CTBP2: variants seen among roughly 807,000 people sequenced by gnomAD.
CTBP2 encodes the protein C-terminal-binding protein 2.
A neutral mutation model predicts 80.3 loss-of-function variants in CTBP2; 30 were observed. That is an observed-to-expected ratio of 0.37 (90% CI 0.28 to 0.51). The LOEUF is 0.51. CTBP2 is among the 20% of genes least tolerant of loss of function. The probability of loss-of-function intolerance (pLI) is 0.93; values close to 1 mark genes in which losing one functional copy is unlikely to be tolerated. For synonymous variants in CTBP2, 594 were observed against 587.4 expected (o/e 1.01, Z -0.16); for missense variants, 1,212 against 1,375.3 (o/e 0.88, Z 1.88).
intron 2 of CTBP2, among the ~76,000 whole-genome samples, chr10:125,054,838 A>G (rs1963544412): frequency 6.6e-6 from 1 of 152,234 alleles, no homozygotes; most frequent in African/African-American, 2.4e-5. Context: ...GACTGACATG[A>G]GGTCTGTGAT....
chr10:125,146,306 C>A (rs868504492), intron 1 of CTBP2, among the ~76,000 whole-genome samples: 121 of 146,268 alleles, frequency 8.3e-4, no homozygotes, highest in African/African-American at 2.8e-3. Context: ...TTGGAGACAG[C>A]GTCTTGCTCT....
intron 1 of CTBP2, among the ~76,000 whole-genome samples, chr10:125,151,804 C>T (rs964882387): frequency 6.6e-6 from 1 of 152,200 alleles, no homozygotes; most frequent in African/African-American, 2.4e-5. Flanking sequence ...CGGAGAGGGG[C>T]CGGCGACCCT....
At chr10:125,050,568 C>A (rs147171299) in intron 2 of CTBP2, among the ~76,000 whole-genome samples, 1 of 152,126 alleles carries the variant, frequency 6.6e-6, no homozygotes, top group Non-Finnish European at 1.5e-5. Context: ...GGGACACTCC[C>A]GTGTCACACA....
Position 125,106,361 on chromosome 10 carries a change from G to A in CTBP2, c.-102+4629C>T, listed in dbSNP as rs1590815209. Among the ~76,000 whole-genome samples, 3 of 152,220 alleles carry A rather than the reference G, an allele frequency of 2.0e-5. No homozygotes were observed. In the South Asian group the frequency reaches 6.2e-4, roughly 32 times the overall value. ...GGACCCTGCAGTGTATGGGAAGCCA[G>A]GCTCACTACCACAGTGTTTCCGGAA... On this transcript the variant is annotated intron_variant, in intron 2 of 10. Transcript: ENST00000337195.
At chr10:125,088,727 T>C (rs953388477) in intron 2 of CTBP2, among the ~76,000 whole-genome samples, 15 of 152,284 alleles carry the variant, frequency 9.9e-5, no homozygotes, top group African/African-American at 1.7e-4. Flanking sequence ...CGCCTAACAA[T>C]TGAGTTTTGT....
intron 1 of CTBP2, among the ~76,000 whole-genome samples, chr10:125,111,473 A>G (rs1374637472): frequency 1.3e-5 from 2 of 152,258 alleles, no homozygotes; most frequent in Non-Finnish European, 2.9e-5. Flanking sequence ...AGAAATATGG[A>G]ATTATAAAGT....
intron 2 of CTBP2, among the ~76,000 whole-genome samples, chr10:125,103,625 G>A (rs73377290): frequency 0.037 from 5,631 of 152,204 alleles, 349 homozygotes; most frequent in African/African-American, 0.13. Flanking sequence ...ACGCTTCTGC[G>A]ACATGCAGAA....
chr10:125,060,521 G>C (rs1197924278), intron 2 of CTBP2, among the ~76,000 whole-genome samples: 1 of 151,304 alleles, frequency 6.6e-6, no homozygotes, highest in African/African-American at 2.4e-5. Flanking sequence ...TGTCTGTTGC[G>C]GCTTACCTGC....
intron 3 of CTBP2, 57 bp downstream of exon 5, chr10:125,002,903 A>C (rs1432093079): frequency 1.3e-6 from 2 of 1,596,440 alleles, no homozygotes; most frequent in African/African-American, 2.7e-5. Flanking sequence ...AGCCCACCCG[A>C]GCAGGGCCCA....
chr10:125,139,571 A>G (rs1857477061), intron 1 of CTBP2, among the ~76,000 whole-genome samples: 1 of 151,548 alleles, frequency 6.6e-6, no homozygotes, highest in Non-Finnish European at 1.5e-5. Context: ...TGTTTTTTGG[A>G]CTCTGGGAGC....
intron 2 of CTBP2, among the ~76,000 whole-genome samples, chr10:125,051,659 C>CA (rs11335150): frequency 1.0e-3 from 139 of 139,454 alleles, no homozygotes; most frequent in Admixed American, 1.8e-3. Flanking sequence ...ACCAACCAAC[C>CA]AAAAAAAAAA....
At chr10:125,077,883 A>G (rs1009505287) in intron 2 of CTBP2, among the ~76,000 whole-genome samples, 6 of 152,266 alleles carry the variant, frequency 3.9e-5, no homozygotes, top group African/African-American at 1.4e-4. Context: ...AAGTTATCTT[A>G]GGTTGTGGCT....
intron 1 of CTBP2, chr10:125,133,693 A>C (rs1856530178): frequency 6.6e-6 from 1 of 152,250 alleles, no homozygotes; most frequent in Non-Finnish European, 1.5e-5. Context: ...CACTTTAAAG[A>C]GGCTAGTCTA....
At chr10:125,078,403 T>C (rs1313285324) in intron 2 of CTBP2, among the ~76,000 whole-genome samples, 2 of 152,166 alleles carry the variant, frequency 1.3e-5, no homozygotes, top group African/African-American at 2.4e-5. Flanking sequence ...ATTATTTTTG[T>C]CTACAGCCTG....
At chr10:125,040,886 A>T (rs985639345) in intron 2 of CTBP2, among the ~76,000 whole-genome samples, 12 of 152,204 alleles carry the variant, frequency 7.9e-5, no homozygotes, top group African/African-American at 2.7e-4. Context: ...AGCTACGAAA[A>T]AGCACAATTT....
chr10:125,102,423 C>G (rs1407935522), intron 2 of CTBP2, among the ~76,000 whole-genome samples: 1 of 152,238 alleles, frequency 6.6e-6, no homozygotes, highest in Non-Finnish European at 1.5e-5. Context: ...ACATCAAACT[C>G]TGCATCAATC....
At chr10:125,036,023 G>C (rs1958830718) in intron 3 of CTBP2, among the ~76,000 whole-genome samples, 2 of 152,142 alleles carry the variant, frequency 1.3e-5, no homozygotes, top group Admixed American at 1.3e-4. Flanking sequence ...TTAAAATGTG[G>C]CTTTTACATT....
At position 124,987,465 on chromosome 10, in the gene CTBP2, A is replaced by AGG. The variant is rs1313885449; in HGVS notation, c.*2051_*2052dup. ...CTGCCTTTTTATGTTTTTGACTCTT[A>AGG]GGTTCATCGTGTCCCAGACTTCTTC... On this transcript the variant is annotated 3_prime_UTR_variant, in exon 9 of 9. Transcript: ENST00000309035. 6.6e-6 allele frequency: 1 copy of AGG among 152,162 alleles called. No homozygotes were observed. Among genetic ancestry groups the AGG allele is most frequent in the Non-Finnish European group, 1.5e-5 (1 of 68,030 alleles). The allele number at this position is 152,162 out of a possible 1,614,324, so 9.4% of individuals were successfully genotyped here. A position where few individuals can be genotyped will look rare whatever the true frequency, so the allele number is the denominator to read the frequency against.
intron 3 of CTBP2, chr10:124,999,436 C>CA: frequency 6.6e-6 from 1 of 152,340 alleles, no homozygotes; most frequent in Non-Finnish European, 1.5e-5. Flanking sequence ...CTCTACTGGA[C>CA]AGGAAACAAG....
Sources: allele counts gnomAD v4.1 joint callset (sites outside exome capture counted in the v4.1 genomes callset), GRCh38; gene constraint gnomAD v4.1.1; transcripts MANE v1.5; gene names NCBI Gene and HGNC (gene_info 2026-07-23, HGNC 2026-07-21).